Variants in TRAPPC9 observed in about 807,000 individuals in gnomAD.
TRAPPC9 encodes IKK2 binding protein.
TRAPPC9 carries 83 observed loss-of-function variants against 124.0 expected under a neutral mutation model. The observed-to-expected ratio is 0.67, with a 90% confidence interval of 0.56 to 0.80. The LOEUF is 0.80. Ranked by LOEUF, TRAPPC9 falls within the 30% of genes least tolerant of loss-of-function variation. The pLI, the probability that TRAPPC9 is intolerant of heterozygous loss-of-function variation, is 0.00. For missense variants in TRAPPC9, 1,302 were observed against 1,508.3 expected, an observed-to-expected ratio of 0.86 and a Z score of 2.27; for synonymous variants, 638 against 617.5, an observed-to-expected ratio of 1.03 and a Z score of -0.49.
intron 21 of TRAPPC9, among the ~76,000 whole-genome samples, chr8:139,851,086 T>C (rs1827413670): frequency 6.6e-6 from 1 of 152,212 alleles, no homozygotes; most frequent in Non-Finnish European, 1.5e-5. Flanking sequence ...GATGATGTCA[T>C]GGGTTCCTTA....
At chr8:140,302,951 G>A (rs1284870792) in intron 10 of TRAPPC9, 1 of 152,162 alleles carries the variant, frequency 6.6e-6, no homozygotes, top group Non-Finnish European at 1.5e-5. Context: ...AATTCTTAAG[G>A]AAGGTTATGG....
chr8:139,881,881 C>T (rs946312294), intron 21 of TRAPPC9, among the ~76,000 whole-genome samples: 6 of 152,224 alleles, frequency 3.9e-5, no homozygotes, highest in Admixed American at 2.0e-4. Flanking sequence ...GACCGCAGGG[C>T]CTCACCCCTC....
intron 17 of TRAPPC9, among the ~76,000 whole-genome samples, chr8:140,168,487 C>CTATAAACCG (rs1554636893): frequency 6.6e-6 from 1 of 152,002 alleles, no homozygotes; most frequent in Non-Finnish European, 1.5e-5. Flanking sequence ...TGAATGTTTC[C>CTATAAACCG]TATAAACGGA....
chr8:139,816,877 C>T (rs1005818767), intron 21 of TRAPPC9, among the ~76,000 whole-genome samples: 3 of 152,204 alleles, frequency 2.0e-5, no homozygotes, highest in African/African-American at 7.2e-5. Context: ...CCTCACTGCA[C>T]ATGCAGGCAC....
intron 12 of TRAPPC9, among the ~76,000 whole-genome samples, chr8:140,290,357 G>T (rs1178490906): frequency 6.6e-6 from 1 of 152,196 alleles, no homozygotes; most frequent in Non-Finnish European, 1.5e-5. Flanking sequence ...AAGACTTGAG[G>T]GATGGGACCT....
At chr8:139,871,069 T>C (rs552757447) in intron 21 of TRAPPC9, among the ~76,000 whole-genome samples, 1 of 152,298 alleles carries the variant, frequency 6.6e-6, no homozygotes, top group Non-Finnish European at 1.5e-5. Flanking sequence ...AGGGTGGTTT[T>C]ATGTATCTGA....
At chr8:140,084,018 G>A (rs547195110) in intron 17 of TRAPPC9, among the ~76,000 whole-genome samples, 5 of 151,920 alleles carry the variant, frequency 3.3e-5, no homozygotes, top group African/African-American at 1.2e-4. Flanking sequence ...TGTGTTGCTC[G>A]GACTAGAGTG....
intron 21 of TRAPPC9, among the ~76,000 whole-genome samples, chr8:139,761,632 C>T (rs569968699): frequency 2.6e-4 from 39 of 152,156 alleles, no homozygotes; most frequent in African/African-American, 7.9e-4. Context: ...ATGCTCGTGG[C>T]GTGCTGTCAA....
intron 20 of TRAPPC9, among the ~76,000 whole-genome samples, chr8:139,905,351 C>G (rs964691427): frequency 2.0e-5 from 3 of 152,182 alleles, no homozygotes; most frequent in Non-Finnish European, 4.4e-5. Context: ...ATGAGGAGTC[C>G]TTTGTGAAAA....
At chr8:140,409,685 C>A (rs1300938291) in intron 5 of TRAPPC9, among the ~76,000 whole-genome samples, 5 of 151,862 alleles carry the variant, frequency 3.3e-5, no homozygotes, top group Admixed American at 6.6e-5. Context: ...CATTAGCAAC[C>A]AAAATAGAAC....
chr8:140,360,914 T>C (rs59378317), intron 8 of TRAPPC9, among the ~76,000 whole-genome samples: 1,843 of 152,214 alleles, frequency 0.012, 40 homozygotes, highest in African/African-American at 0.043. Flanking sequence ...CTTTTTTTTT[T>C]CCAGTAGAGA....
intron 5 of TRAPPC9, among the ~76,000 whole-genome samples, chr8:140,415,031 C>T (rs558881497): frequency 3.9e-5 from 6 of 152,044 alleles, no homozygotes; most frequent in African/African-American, 9.7e-5. Context: ...TGAGCCACCA[C>T]GCCTGGCCTA....
chr8:139,770,726 G>T (rs1302159535), intron 21 of TRAPPC9, among the ~76,000 whole-genome samples: 1 of 152,216 alleles, frequency 6.6e-6, no homozygotes, highest in Admixed American at 6.5e-5. Flanking sequence ...AAATGGAAAA[G>T]GAGAGGCCTC....
At chr8:140,349,367 GC>G (rs2067466871) in intron 9 of TRAPPC9, among the ~76,000 whole-genome samples, 13 of 86,540 alleles carry the variant, frequency 1.5e-4, no homozygotes, top group Admixed American at 3.2e-4. Flanking sequence ...GGAAGGGCGC[GC>G]GAGGGAAGGG....
At chr8:140,319,617 C>T (rs975611263) in intron 9 of TRAPPC9, among the ~76,000 whole-genome samples, 2 of 152,186 alleles carry the variant, frequency 1.3e-5, no homozygotes, top group African/African-American at 4.8e-5. Flanking sequence ...CAGGTGTGCA[C>T]CACAACACCC....
At chr8:140,384,425 G>A (rs995856450) in intron 7 of TRAPPC9, among the ~76,000 whole-genome samples, 83 of 152,154 alleles carry the variant, frequency 5.5e-4, no homozygotes, top group African/African-American at 1.9e-3. Flanking sequence ...CATCTCACAT[G>A]CAGAGACACA....
intron 16 of TRAPPC9, among the ~76,000 whole-genome samples, chr8:140,236,018 T>C (rs2063720707): frequency 6.6e-6 from 1 of 150,926 alleles, no homozygotes; most frequent in African/African-American, 2.4e-5. Context: ...ATTAAGAGTA[T>C]ACAGTTGTGA....
chr8:140,413,375 C>T (rs1323393761), intron 5 of TRAPPC9, among the ~76,000 whole-genome samples: 8 of 151,772 alleles, frequency 5.3e-5, no homozygotes, highest in Admixed American at 6.6e-5. Context: ...GCAACAAAAG[C>T]GAGACTGTCT....
chr8:140,194,505 T>C (rs1438720070), intron 17 of TRAPPC9, among the ~76,000 whole-genome samples: 1 of 152,180 alleles, frequency 6.6e-6, no homozygotes, highest in African/African-American at 2.4e-5. Flanking sequence ...GATGCAGTTT[T>C]TTTGCTTGAA....
Sources: gnomAD v4.1 joint callset for allele counts (sites outside exome capture counted in the v4.1 genomes callset) on GRCh38, gnomAD v4.1.1 for gene constraint, MANE v1.5 for transcripts, NCBI Gene and HGNC (gene_info 2026-07-23, HGNC 2026-07-21) for gene names.